Variants in RABGAP1L observed in about 807,000 individuals in gnomAD.
The protein encoded by RABGAP1L is RAB GTPase activating protein 1 like, also known as rab GTPase-activating protein 1-like.
A neutral mutation model predicts 137.7 loss-of-function variants in RABGAP1L; 63 were observed. That is an observed-to-expected ratio of 0.46 (90% CI 0.37 to 0.56). The LOEUF (loss-of-function observed/expected upper bound fraction) is 0.56, where lower values mean the gene tolerates loss of function less well. Among genes scored for constraint, RABGAP1L ranks in the 20% least tolerant of loss-of-function variants. RABGAP1L has a pLI of 0.00. For synonymous variants in RABGAP1L, 431 were observed against 433.7 expected (o/e 0.99, Z 0.08); for missense variants, 1,095 against 1,244.0 (o/e 0.88, Z 1.80).
intron 13 of RABGAP1L, among the ~76,000 whole-genome samples, chr1:174,610,540 C>T (rs144764853): frequency 0.015 from 2,328 of 152,148 alleles, 32 homozygotes; most frequent in Middle Eastern, 0.061. Flanking sequence ...TTTATAGCAG[C>T]ATGATTTATA....
intron 19 of RABGAP1L, among the ~76,000 whole-genome samples, chr1:174,876,781 AT>A (rs944537179): frequency 6.6e-6 from 1 of 151,830 alleles, no homozygotes; most frequent in African/African-American, 2.4e-5. Flanking sequence ...TAAAATACTT[AT>A]TTTTTTTAGT....
intron 13 of RABGAP1L, among the ~76,000 whole-genome samples, chr1:174,395,264 G>A (rs1647682370): frequency 6.6e-6 from 1 of 151,952 alleles, no homozygotes; most frequent in South Asian, 2.1e-4. Context: ...AATATTATAG[G>A]TTTCTTGCAG....
intron 13 of RABGAP1L, among the ~76,000 whole-genome samples, chr1:174,511,279 A>G (rs1033543925): frequency 2.0e-5 from 3 of 152,228 alleles, no homozygotes; most frequent in Non-Finnish European, 4.4e-5. Context: ...TTCTTTACCA[A>G]CCAAACACTT....
intron 11 of RABGAP1L, among the ~76,000 whole-genome samples, chr1:174,324,448 G>T (rs932208939): frequency 6.6e-6 from 1 of 152,042 alleles, no homozygotes; most frequent in African/African-American, 2.4e-5. Context: ...GTTTGGAGGT[G>T]GGAGGAAAAT....
At chr1:174,573,478 G>T (rs1314182957) in intron 13 of RABGAP1L, among the ~76,000 whole-genome samples, 1 of 152,120 alleles carries the variant, frequency 6.6e-6, no homozygotes, top group East Asian at 1.9e-4. Context: ...CTTGCTCTTG[G>T]TTTACACAGA....
intron 13 of RABGAP1L, among the ~76,000 whole-genome samples, chr1:174,421,057 G>A (rs969470405): frequency 6.6e-6 from 1 of 152,106 alleles, no homozygotes; most frequent in African/African-American, 2.4e-5. Context: ...GTGGGTGTGG[G>A]TGCAAATTTT....
intron 1 of RABGAP1L, among the ~76,000 whole-genome samples, chr1:174,201,507 T>G (rs996535788): frequency 6.6e-6 from 1 of 152,190 alleles, no homozygotes; most frequent in African/African-American, 2.4e-5. Flanking sequence ...AAACTATTCT[T>G]TAGCTGTGAT....
rs12729562 is a variant in RABGAP1L at position 174,684,950 on chromosome 1, C to T, written c.1899+1354C>T. Among the ~76,000 whole-genome samples, 884 of 151,988 alleles carry T rather than the reference C, an allele frequency of 5.8e-3. 5 individuals are homozygous for T. Among genetic ancestry groups the T allele is most frequent in the Non-Finnish European group, 7.9e-3 (540 of 67,964 alleles). ...AAGCCTTGATTGCACCACTGCAGTC[C>T]AGCTTGGGCAATAGAAGGAGACCCT... is the stretch of plus-strand genomic sequence containing the variant. On this transcript the variant is annotated intron_variant, in intron 15 of 25. Coordinates refer to ENST00000681986, the MANE Select transcript of RABGAP1L (RefSeq NM_001366446.1).
intron 11 of RABGAP1L, among the ~76,000 whole-genome samples, chr1:174,319,518 C>T (rs913830329): frequency 5.9e-5 from 9 of 152,130 alleles, no homozygotes; most frequent in African/African-American, 2.2e-4. Context: ...CCTTCTCAAT[C>T]TGCATAGCTT....
chr1:174,738,747 A>G (rs1354010254), intron 17 of RABGAP1L, among the ~76,000 whole-genome samples: 1 of 152,214 alleles, frequency 6.6e-6, no homozygotes, highest in Non-Finnish European at 1.5e-5. Flanking sequence ...ATAGTATAGT[A>G]TTAATGAACT....
At chr1:174,282,284 T>A (rs1196123486) in intron 10 of RABGAP1L, among the ~76,000 whole-genome samples, 1 of 152,208 alleles carries the variant, frequency 6.6e-6, no homozygotes, top group Non-Finnish European at 1.5e-5. Flanking sequence ...TTTCTCCTCA[T>A]CCTTGCCAGC....
chr1:174,492,860 C>T (rs1192275604), intron 13 of RABGAP1L, among the ~76,000 whole-genome samples: 1 of 151,894 alleles, frequency 6.6e-6, no homozygotes, highest in East Asian at 1.9e-4. Context: ...CACTCACTGC[C>T]TTTCCTTCCC....
intron 17 of RABGAP1L, among the ~76,000 whole-genome samples, chr1:174,717,205 G>A (rs2148577289): frequency 6.6e-6 from 1 of 152,198 alleles, no homozygotes; most frequent in Non-Finnish European, 1.5e-5. Flanking sequence ...AAATCAGGAG[G>A]CTGAGACCAG....
intron 13 of RABGAP1L, among the ~76,000 whole-genome samples, chr1:174,535,239 C>G (rs1664806464): frequency 1.3e-5 from 2 of 151,816 alleles, no homozygotes; most frequent in South Asian, 4.2e-4. Context: ...GAATTTGTCT[C>G]TATTTATTTT....
chr1:174,228,470 C>T (rs1481071431), intron 3 of RABGAP1L, among the ~76,000 whole-genome samples: 2 of 151,960 alleles, frequency 1.3e-5, no homozygotes, highest in African/African-American at 4.8e-5. Context: ...GTGCTTGTTA[C>T]ATTAAGAAAA....
intron 11 of RABGAP1L, among the ~76,000 whole-genome samples, chr1:174,339,198 T>C (rs1355644608): frequency 9.2e-5 from 14 of 152,226 alleles, no homozygotes; most frequent in Admixed American, 9.2e-4. Context: ...AAAATATCTT[T>C]AAAAAATTAA....
intron 17 of RABGAP1L, among the ~76,000 whole-genome samples, chr1:174,735,045 C>T (rs1344540076): frequency 6.6e-6 from 1 of 150,570 alleles, no homozygotes; most frequent in Non-Finnish European, 1.5e-5. Context: ...TTACTGCCGC[C>T]TCAAATTCCT....
At chr1:174,303,129 AT>A (rs1010479416) in intron 10 of RABGAP1L, among the ~76,000 whole-genome samples, 1 of 151,104 alleles carries the variant, frequency 6.6e-6, no homozygotes, top group South Asian at 2.1e-4. Flanking sequence ...TTGGACATGT[AT>A]TTTTTTTCAT....
intron 11 of RABGAP1L, among the ~76,000 whole-genome samples, chr1:174,340,192 G>A (rs189098588): frequency 2.2e-4 from 33 of 152,240 alleles, no homozygotes; most frequent in Middle Eastern, 6.8e-3. Context: ...AGAATTAAGT[G>A]AACATGTTTC....
Sources: gnomAD v4.1 joint callset for allele counts (sites outside exome capture counted in the v4.1 genomes callset) on GRCh38, gnomAD v4.1.1 for gene constraint, MANE v1.5 for transcripts, NCBI Gene and HGNC (gene_info 2026-07-23, HGNC 2026-07-21) for gene names.